Variants in RIMBP2 observed in about 807,000 individuals in gnomAD.
RIMBP2 encodes RIMS-binding protein 2.
RIMBP2 carries 48 observed loss-of-function variants against 118.6 expected under a neutral mutation model. That is an observed-to-expected ratio of 0.40 (90% CI 0.32 to 0.51). The LOEUF (loss-of-function observed/expected upper bound fraction) is 0.51, where lower values mean the gene tolerates loss of function less well. Ranked by LOEUF, RIMBP2 falls within the 20% of genes least tolerant of loss-of-function variation. The pLI is 0.41. For missense variants in RIMBP2, 1,551 were observed against 1,768.3 expected (o/e 0.88, Z 2.20); for synonymous variants, 762 against 742.9 (o/e 1.03, Z -0.42).
At chr12:130,437,598 G>A (rs1391354389) in intron 12 of RIMBP2, among the ~76,000 whole-genome samples, 2 of 152,204 alleles carry the variant, frequency 1.3e-5, no homozygotes, top group Non-Finnish European at 2.9e-5. Flanking sequence ...AGAGAGGGGA[G>A]TGAGTGTCAG....
At chr12:130,470,612 T>G in intron 6 of RIMBP2, 81 bp downstream of exon 6, 1 of 754,194 alleles carries the variant, frequency 1.3e-6, no homozygotes, top group Non-Finnish European at 1.8e-6. Flanking sequence ...ATAAACATCA[T>G]CTATTATTTC....
At chr12:130,571,256 G>A (rs1018785030) in intron 2 of RIMBP2, among the ~76,000 whole-genome samples, 3 of 151,956 alleles carry the variant, frequency 2.0e-5, no homozygotes, top group African/African-American at 7.3e-5. Flanking sequence ...GGGAGGCCAT[G>A]ACAGAAAACA....
intron 11 of RIMBP2, among the ~76,000 whole-genome samples, chr12:130,441,444 A>ATTATT (rs2078129891): frequency 7.4e-6 from 1 of 135,460 alleles, no homozygotes; most frequent in African/African-American, 2.7e-5. Context: ...TAATAATAAT[A>ATTATT]ATAATTTACA....
intron 2 of RIMBP2, among the ~76,000 whole-genome samples, chr12:130,626,046 A>G (rs1269516513): frequency 1.3e-5 from 2 of 152,218 alleles, no homozygotes; most frequent in Non-Finnish European, 2.9e-5. Context: ...AATAATGAAA[A>G]TGAAAGGGTT....
Position 130,422,336 on chromosome 12 carries a change from C to T in RIMBP2, c.3238+117G>A, listed in dbSNP as rs1005266331. 4 of 610,446 alleles carry T rather than the reference C, an allele frequency of 6.6e-6. No individual in the cohort carries two copies. The African/African-American group carries it at 7.5e-5, about 12-fold the overall frequency. 37.8% of individuals were successfully genotyped at this position (610,446 alleles called of 1,614,324 possible). On this transcript the variant is annotated intron_variant, in intron 17 of 22. Transcript: ENST00000690449. This position sits in a 1 kb window ranked among gnomAD's most constrained non-coding sequence, Gnocchi z 5.2. Reference sequence around the variant, plus strand: ...CCTGCCTTCTTTTTGCCATGAATAACAGTGTTCTTTGCTTAGCGGAAAATG... The same window carrying T: ...CCTGCCTTCTTTTTGCCATGAATAATAGTGTTCTTTGCTTAGCGGAAAATG...
At chr12:130,429,393 C>G (rs967952990) in intron 14 of RIMBP2, 1 of 152,198 alleles carries the variant, frequency 6.6e-6, no homozygotes, top group Non-Finnish European at 1.5e-5. Context: ...GGTGGTCTCT[C>G]CCAGTGATGG....
At chr12:130,646,173 GCCTCTCCACCTCCCTCACCACTTCCCTCT>G (rs2062915689) in intron 1 of RIMBP2, among the ~76,000 whole-genome samples, 2 of 3,966 alleles carry the variant, frequency 5.0e-4, no homozygotes, top group African/African-American at 2.1e-3. Flanking sequence ...CTCACCACCT[GCCTCTCCACCTCCCTCACCACTTCCCTCT>G]CCACCTCCCT....
At chr12:130,671,432 C>G (rs1244410646) in intron 1 of RIMBP2, among the ~76,000 whole-genome samples, 4 of 152,184 alleles carry the variant, frequency 2.6e-5, no homozygotes, top group Non-Finnish European at 5.9e-5. Context: ...CTAAAATTAT[C>G]TCATTATTGA....
intron 4 of RIMBP2, among the ~76,000 whole-genome samples, chr12:130,495,386 T>C (rs2049051220): frequency 6.6e-6 from 1 of 152,176 alleles, no homozygotes. Context: ...TCCCCAGGGA[T>C]GTTGCTTGGT....
chr12:130,465,242 G>C (rs1033311402), intron 6 of RIMBP2: 1 of 152,222 alleles, frequency 6.6e-6, no homozygotes, highest in Non-Finnish European at 1.5e-5. Flanking sequence ...AAAAATAGCC[G>C]GGCTCCTCTG....
intron 10 of RIMBP2, among the ~76,000 whole-genome samples, chr12:130,443,036 G>A (rs2078259361): frequency 6.6e-6 from 1 of 152,182 alleles, no homozygotes; most frequent in South Asian, 2.1e-4. Flanking sequence ...CAGTGCACAG[G>A]AAAGATTTGT....
chr12:130,623,081 C>T lies in RIMBP2; in HGVS notation c.-217+5241G>A, dbSNP rs972557080. Among the ~76,000 whole-genome samples the T allele has an allele frequency of 3.9e-5, 6 of 152,158 alleles. No homozygotes were observed. The highest frequency in any genetic ancestry group is 1.3e-4 in the Admixed American group (2 of 15,276). ...ATCTGTAGTGTACAAAATCAGGTTGCTGGGCTACTTACACAAATACATATA... is the reference window on the plus strand; with the variant it reads ...ATCTGTAGTGTACAAAATCAGGTTGTTGGGCTACTTACACAAATACATATA... On this transcript the variant is annotated intron_variant, in intron 2 of 22. Transcript: ENST00000690449. The surrounding 1 kb of genome is among the most constrained non-coding windows in gnomAD (Gnocchi z 4.1).
chr12:130,468,013 G>C (rs1263550438), intron 6 of RIMBP2, among the ~76,000 whole-genome samples: 3 of 152,190 alleles, frequency 2.0e-5, no homozygotes, highest in Non-Finnish European at 4.4e-5. Context: ...ATGGAAGCAG[G>C]CTGCCCAGTG....
chr12:130,611,482 C>T (rs1419581488), intron 2 of RIMBP2, among the ~76,000 whole-genome samples: 3 of 152,220 alleles, frequency 2.0e-5, no homozygotes, highest in African/African-American at 7.2e-5. Flanking sequence ...CCCCGATCCT[C>T]CGCTGGAAGA....
chr12:130,662,099 C>A (rs1440536783), intron 1 of RIMBP2, among the ~76,000 whole-genome samples: 2 of 152,200 alleles, frequency 1.3e-5, no homozygotes, highest in Non-Finnish European at 2.9e-5. Flanking sequence ...CTCCATTGCC[C>A]TGAGCACTCC....
rs187096562 is a variant in RIMBP2, at chr12:130,532,636, C to T, written c.-216-14719G>A. Among the ~76,000 whole-genome samples, 14 of 137,232 alleles carry T rather than the reference C, an allele frequency of 1.0e-4. No individual in the cohort carries two copies. The East Asian group carries it at 1.2e-3, about 12-fold the overall frequency. 90.0% of individuals were successfully genotyped at this position (137,232 alleles called of 152,430 possible). A position where few individuals can be genotyped will look rare whatever the true frequency, so the allele number is the denominator to read the frequency against. On this transcript the variant is annotated intron_variant, in intron 2 of 22. Transcript: ENST00000690449. ...GCGTATGCTTAGCCTCTAGGAGGTA[C>T]GTCTAATGAGATGCATGTGTTCAGC...
rs1448679891 is a variant in RIMBP2 at position 130,670,381 on chromosome 12, G to T, written c.-351-41925C>A. 1.3e-5 allele frequency among the ~76,000 whole-genome samples: 2 copies of T among 152,142 alleles called. No homozygotes were observed. Among genetic ancestry groups the T allele is most frequent in the African/African-American group, 4.8e-5 (2 of 41,422 alleles). On this transcript the variant is annotated intron_variant, in intron 1 of 22. Coordinates refer to ENST00000690449, the MANE Select transcript of RIMBP2 (RefSeq NM_001393629.1). This position sits in a 1 kb window ranked among gnomAD's most constrained non-coding sequence, Gnocchi z 4.9. ...GCAGCCACCAGCGTGTGAGCATTTT[G>T]CCTCGGGAAACTAGAGGGCAGTAGT... is the stretch of plus-strand genomic sequence containing the variant.
intron 1 of RIMBP2, among the ~76,000 whole-genome samples, chr12:130,662,278 G>A (rs1218082158): frequency 6.6e-6 from 1 of 152,092 alleles, no homozygotes; most frequent in Non-Finnish European, 1.5e-5. Flanking sequence ...TGCACAGTTC[G>A]AGTCTCGCGT....
chr12:130,580,933 G>GTGTGTGTC (rs2058436616), intron 2 of RIMBP2, among the ~76,000 whole-genome samples: 1 of 151,458 alleles, frequency 6.6e-6, no homozygotes, highest in East Asian at 1.9e-4. Flanking sequence ...AATGGTGTGT[G>GTGTGTGTC]TGTGTGTGTG....
Sources: allele counts gnomAD v4.1 joint callset (sites outside exome capture counted in the v4.1 genomes callset), GRCh38; gene constraint gnomAD v4.1.1; non-coding constraint Gnocchi (gnomAD v3.1); transcripts MANE v1.5; gene names NCBI Gene and HGNC (gene_info 2026-07-23, HGNC 2026-07-21).